SVIL: variants seen among roughly 807,000 people sequenced by gnomAD.
SVIL encodes supervillin.
SVIL carries 101 observed loss-of-function variants against 240.4 expected under a neutral mutation model. The observed-to-expected ratio is 0.42, with a 90% confidence interval of 0.36 to 0.50. The LOEUF (loss-of-function observed/expected upper bound fraction) is 0.50, where lower values mean the gene tolerates loss of function less well. Ranked by LOEUF, SVIL falls within the 20% of genes least tolerant of loss-of-function variation. The pLI, the probability that SVIL is intolerant of heterozygous loss-of-function variation, is 0.01. For synonymous variants in SVIL, 999 were observed against 1,100.0 expected, an observed-to-expected ratio of 0.91 and a Z score of 1.82; for missense variants, 2,512 against 2,818.7, an observed-to-expected ratio of 0.89 and a Z score of 2.46.
At chr10:29,609,038 C>T (rs1057006216) in intron 1 of SVIL, among the ~76,000 whole-genome samples, 1 of 152,180 alleles carries the variant, frequency 6.6e-6, no homozygotes, top group Non-Finnish European at 1.5e-5. Flanking sequence ...CAGACTCAGC[C>T]AGCCTAAGAC....
At position 29,463,586 on chromosome 10, in the gene SVIL, C is replaced by G; in HGVS notation, c.6183G>C (p.Trp2061Cys). ...CAGTGATCTTGTTCTCGATGGGCCA[C>G]CAGCCTTGCCAGAGGTACACCTCGT... ...NHHEVYLWQG[W>C]WPIENKITGS... is the part of the protein sequence containing the mutation. Residue 2061 changes from tryptophan to cysteine, a missense_variant, in exon 35 of 38, where the codon TGG (tryptophan) becomes TGC (cysteine). Trp to Cys is a radical substitution (Grantham distance 215). Around this residue, in one of 3 missense-constraint regions of SVIL, gnomAD observed 797 missense variants for 925.3 expected, o/e 0.86. Transcript: ENST00000355867. The G allele has an allele frequency of 6.2e-7, 1 of 1,614,172 alleles. No homozygotes were observed.
At chr10:29,652,017 A>AC (rs1958853994) in intron 3 of SVIL, among the ~76,000 whole-genome samples, 2 of 145,298 alleles carry the variant, frequency 1.4e-5, no homozygotes, top group Non-Finnish European at 3.1e-5. Flanking sequence ...ACACACACAC[A>AC]AACACACACA....
chr10:29,498,088 CAAA>C (rs34280398), intron 18 of SVIL, among the ~76,000 whole-genome samples: 3 of 37,488 alleles, frequency 8.0e-5, no homozygotes, highest in Non-Finnish European at 2.0e-4. Flanking sequence ...TCCCCTCCAC[CAAA>C]AAAAAAAAAA....
At chr10:29,535,921 G>T in intron 7 of SVIL, 68 bp downstream of exon 7, 1 of 1,512,188 alleles carries the variant, frequency 6.6e-7, no homozygotes, top group South Asian at 1.1e-5. Context: ...GGTGTTAGCT[G>T]ATGTGTGGTC....
intron 16 of SVIL, among the ~76,000 whole-genome samples, chr10:29,516,582 T>G (rs1053011344): frequency 3.3e-5 from 5 of 152,238 alleles, no homozygotes; most frequent in Non-Finnish European, 7.3e-5. Context: ...CATAAATTCC[T>G]GCCGGTGCAA....
rs888197741 is a variant in SVIL, at chr10:29,547,768, G to A, written c.827+2829C>T. On this transcript the variant is annotated intron_variant, in intron 6 of 37. Transcript: ENST00000355867. ...GATCTAGGTGACTAACTCAGATACC[G>A]TGATAACGACTTCAACAGCTCTCAT... is the stretch of plus-strand genomic sequence containing the variant. 6.6e-5 allele frequency among the ~76,000 whole-genome samples: 10 copies of A among 152,248 alleles called. No homozygotes were observed. The East Asian group carries it at 1.2e-3, about 18-fold the overall frequency.
At chr10:29,724,370 AAC>A (rs9299624) in intron 1 of SVIL, among the ~76,000 whole-genome samples, 2,251 of 146,112 alleles carry the variant, frequency 0.015, 53 homozygotes, top group African/African-American at 0.051. Flanking sequence ...GAGGATTTAA[AAC>A]ACACACACAC....
intron 16 of SVIL, among the ~76,000 whole-genome samples, chr10:29,518,586 T>C (rs1277417242): frequency 6.6e-6 from 1 of 152,178 alleles, no homozygotes; most frequent in Non-Finnish European, 1.5e-5. Flanking sequence ...CCGGGCGCAG[T>C]GGCTCACGCC....
intron 3 of SVIL, among the ~76,000 whole-genome samples, chr10:29,559,694 G>T (rs1171566562): frequency 6.6e-6 from 1 of 152,078 alleles, no homozygotes; most frequent in Non-Finnish European, 1.5e-5. Context: ...CTGCTATGTT[G>T]GTCTGTTACT....
chr10:29,582,851 G>A (rs1282547023), intron 1 of SVIL, among the ~76,000 whole-genome samples: 1 of 152,002 alleles, frequency 6.6e-6, no homozygotes, highest in Non-Finnish European at 1.5e-5. Context: ...TCAGAGCTGC[G>A]GGGGCCCATG....
Position 29,533,269 on chromosome 10 carries a change from G to A in SVIL, c.1098C>T (p.Gly366=), listed in dbSNP as rs749606876. 2 of 1,614,106 alleles carry A rather than the reference G, an allele frequency of 1.2e-6. No individual in the cohort carries two copies. Among genetic ancestry groups the A allele is most frequent in the East Asian group, 2.2e-5 (1 of 44,860 alleles). The change falls in exon 8 of 38, where the codon GGC becomes GGT. Residue 366 remains glycine, a synonymous_variant. Coordinates refer to ENST00000355867, the MANE Select transcript of SVIL (RefSeq NM_021738.3). ...GACCGGTATCTGCGGGTTGGACATA[G>A]CCACGGATTGGCTGTCGTGTAGAGC... is the stretch of plus-strand genomic sequence containing the variant. The part of the protein sequence containing the change: ...AAGSTRQPIR[G]YVQPADTGHT...
intron 1 of SVIL, among the ~76,000 whole-genome samples, chr10:29,716,015 G>A (rs1312118023): frequency 6.6e-6 from 1 of 152,202 alleles, no homozygotes; most frequent in Non-Finnish European, 1.5e-5. Flanking sequence ...TTAATGCATT[G>A]CTTTGGTAGA....
chr10:29,565,017 T>TCTTG (rs35451475), intron 2 of SVIL, among the ~76,000 whole-genome samples: 9,743 of 152,278 alleles, frequency 0.064, 368 homozygotes, highest in Admixed American at 0.12. Flanking sequence ...AATTTAAACA[T>TCTTG]CTTGACAAAG....
At chr10:29,572,357 A>G (rs1006175471) in intron 1 of SVIL, among the ~76,000 whole-genome samples, 6 of 152,186 alleles carry the variant, frequency 3.9e-5, no homozygotes, top group East Asian at 1.9e-4. Flanking sequence ...ACCTTGGATA[A>G]CTAAATTAGA....
At chr10:29,564,496 T>C (rs1954795107) in intron 2 of SVIL, among the ~76,000 whole-genome samples, 1 of 150,454 alleles carries the variant, frequency 6.6e-6, no homozygotes, top group African/African-American at 2.5e-5. Flanking sequence ...GGGGAAAAGA[T>C]GGGCTTGGAA....
At chr10:29,501,802 G>A (rs1463672373) in intron 17 of SVIL, among the ~76,000 whole-genome samples, 5 of 152,142 alleles carry the variant, frequency 3.3e-5, no homozygotes, top group Admixed American at 6.6e-5. Flanking sequence ...CCAAGATGGC[G>A]CTTGGCTTCA....
chr10:29,652,466 G>T lies in SVIL; in HGVS notation c.-201+5503C>A, dbSNP rs540660644. Among the ~76,000 whole-genome samples, 3 of 152,206 alleles carry T rather than the reference G, an allele frequency of 2.0e-5. No individual in the cohort carries two copies. The South Asian group carries it at 6.2e-4, about 32-fold the overall frequency. ...TCTTCTTCAGTTGACAAACATTTGG[G>T]TTGTTTCCATTCTTTAGGTATTATG... On this transcript the variant is annotated intron_variant, in intron 3 of 35. Coordinates refer to the SVIL transcript ENST00000375400.
In SVIL at chr10:29,610,541, C is replaced by T. The variant is rs1223544494; in HGVS notation, c.-201+23879G>A. Reference sequence around the variant, plus strand: ...CCTCAGCTCACTGCAACCTCCACTTCCTGGGTTTAAGCAGTTCTCCAGGCA... The same window carrying T: ...CCTCAGCTCACTGCAACCTCCACTTTCTGGGTTTAAGCAGTTCTCCAGGCA... On this transcript the variant is annotated intron_variant, in intron 1 of 37. Coordinates refer to ENST00000355867, the MANE Select transcript of SVIL (RefSeq NM_021738.3). 2.3e-4 allele frequency among the ~76,000 whole-genome samples: 35 copies of T among 150,592 alleles called. 1 individual carries two copies. In the Admixed American group the frequency reaches 2.3e-3, roughly 10 times the overall value.
intron 6 of SVIL, among the ~76,000 whole-genome samples, chr10:29,536,932 G>A (rs901353308): frequency 5.1e-3 from 387 of 76,106 alleles, no homozygotes; most frequent in African/African-American, 8.1e-3. Context: ...AAAAAAAAAA[G>A]AACGGAGTCT....
Sources: allele counts gnomAD v4.1 joint callset (sites outside exome capture counted in the v4.1 genomes callset), GRCh38; gene constraint gnomAD v4.1.1; regional missense constraint gnomAD v4.1.1; transcripts MANE v1.5; gene names NCBI Gene and HGNC (gene_info 2026-07-23, HGNC 2026-07-21).